FAT3: variants seen among roughly 807,000 people sequenced by gnomAD.
FAT3 encodes FAT atypical cadherin 3.
A neutral mutation model predicts 310.2 loss-of-function variants in FAT3; 95 were observed. The ratio of observed to expected loss-of-function variants is 0.31; its 90% confidence interval spans 0.26 to 0.36. The LOEUF (loss-of-function observed/expected upper bound fraction) is 0.36, where lower values mean the gene tolerates loss of function less well. Ranked by LOEUF, FAT3 falls within the 10% of genes least tolerant of loss-of-function variation. The pLI is 1.00. For synonymous variants in FAT3, 2,314 were observed against 2,192.9 expected (o/e 1.06, Z -1.54); for missense variants, 5,408 against 5,715.6 (o/e 0.95, Z 1.74).
At chr11:92,635,331 C>A (rs570337487) in intron 3 of FAT3, among the ~76,000 whole-genome samples, 1 of 151,982 alleles carries the variant, frequency 6.6e-6, no homozygotes, top group East Asian at 1.9e-4. Context: ...TATGGAGAAA[C>A]CCATTTCATA....
chr11:92,839,800 C>T (rs888394342), intron 17 of FAT3, among the ~76,000 whole-genome samples: 3 of 152,140 alleles, frequency 2.0e-5, no homozygotes, highest in Non-Finnish European at 2.9e-5. Context: ...ATTTAATTTG[C>T]CGTTTTCAAC....
At chr11:92,554,021 G>A (rs1289717884) in intron 3 of FAT3, among the ~76,000 whole-genome samples, 6 of 152,046 alleles carry the variant, frequency 3.9e-5, no homozygotes, top group Admixed American at 3.9e-4. Context: ...GGCCAGGCTG[G>A]TCTGGAACTC....
chr11:92,757,566 T>A lies in FAT3; in HGVS notation c.3670-4290T>A, dbSNP rs548900659. ...GTTTCAGGCCTAACGTATTATGAAGTCTGAAGTCTGAGAATCTGATGGAAT... is the reference window on the plus strand; with the variant it reads ...GTTTCAGGCCTAACGTATTATGAAGACTGAAGTCTGAGAATCTGATGGAAT... On this transcript the variant is annotated intron_variant, in intron 4 of 27. Transcript: ENST00000525166. Among the ~76,000 whole-genome samples the A allele has an allele frequency of 3.9e-5, 6 of 152,276 alleles. No homozygotes were observed. The East Asian group carries it at 1.2e-3, about 29-fold the overall frequency.
chr11:92,356,612 A>G (rs1245575197), intron 2 of FAT3, among the ~76,000 whole-genome samples: 1 of 152,162 alleles, frequency 6.6e-6, no homozygotes, highest in Non-Finnish European at 1.5e-5. Context: ...TTCTTCCCGT[A>G]AGGGCACTAA....
At chr11:92,402,359 A>G (rs1420104337) in intron 2 of FAT3, among the ~76,000 whole-genome samples, 1 of 152,142 alleles carries the variant, frequency 6.6e-6, no homozygotes, top group African/African-American at 2.4e-5. Flanking sequence ...GAAAGCATAA[A>G]TGACGGATAA....
chr11:92,875,256 A>C (rs1317646193), intron 22 of FAT3, among the ~76,000 whole-genome samples: 2 of 104,236 alleles, frequency 1.9e-5, no homozygotes, highest in Admixed American at 1.1e-4. Flanking sequence ...AAAGTTCTAA[A>C]AGCAAGACTT....
At chr11:92,531,064 G>A (rs1954052385) in intron 3 of FAT3, among the ~76,000 whole-genome samples, 2 of 152,158 alleles carry the variant, frequency 1.3e-5, no homozygotes, top group Non-Finnish European at 2.9e-5. Context: ...AATGGCTGCC[G>A]GATGATGAGT....
chr11:92,352,895 A>G lies in FAT3; in HGVS notation c.783A>G (p.Glu261=), dbSNP rs1480203570. The change falls in exon 2 of 28, where the codon GAA becomes GAG. Residue 261 remains glutamate (E), a synonymous_variant. Transcript: ENST00000525166. ...KLYVHIERIN[E]HAPTIHVVTH... ...ATGTTCACATTGAGCGCATAAATGA[A>G]CATGCCCCAACAATCCATGTAGTCA... is the stretch of plus-strand genomic sequence containing the variant. 3 of 1,613,902 alleles carry G rather than the reference A, an allele frequency of 1.9e-6. No homozygotes were observed. Among genetic ancestry groups the G allele is most frequent in the Middle Eastern group, 1.7e-4 (1 of 6,058 alleles).
chr11:92,579,672 C>T (rs1938681998), intron 3 of FAT3, among the ~76,000 whole-genome samples: 1 of 152,012 alleles, frequency 6.6e-6, no homozygotes, highest in Non-Finnish European at 1.5e-5. Context: ...GCTCATGTTC[C>T]ACTTTAAAGA....
chr11:92,670,682 A>G (rs1027591890), intron 3 of FAT3, among the ~76,000 whole-genome samples: 1 of 152,170 alleles, frequency 6.6e-6, no homozygotes, highest in South Asian at 2.1e-4. Context: ...AAGCTAGATT[A>G]TTTACCTTGT....
chr11:92,568,788 C>G (rs1430311008), intron 3 of FAT3, among the ~76,000 whole-genome samples: 1 of 152,140 alleles, frequency 6.6e-6, no homozygotes, highest in Non-Finnish European at 1.5e-5. Context: ...TCCTTCAAAA[C>G]TCTGCTGAAA....
intron 3 of FAT3, among the ~76,000 whole-genome samples, chr11:92,658,444 C>A (rs1345917520): frequency 6.6e-6 from 1 of 152,118 alleles, no homozygotes; most frequent in East Asian, 1.9e-4. Flanking sequence ...TCATTCACAG[C>A]ATGGTGAGTG....
chr11:92,283,294 T>A (rs1028572924), intron 1 of FAT3, among the ~76,000 whole-genome samples: 1 of 152,126 alleles, frequency 6.6e-6, no homozygotes, highest in African/African-American at 2.4e-5. Flanking sequence ...GGCATTCAGG[T>A]TTTTTACTTG....
At chr11:92,482,132 A>G (rs1952244258) in intron 2 of FAT3, among the ~76,000 whole-genome samples, 1 of 152,092 alleles carries the variant, frequency 6.6e-6, no homozygotes, top group Admixed American at 6.6e-5. Context: ...GTACACATAG[A>G]TTTCATTCAT....
intron 1 of FAT3, among the ~76,000 whole-genome samples, chr11:92,335,714 G>A (rs892081348): frequency 3.9e-5 from 6 of 152,168 alleles, no homozygotes; most frequent in Admixed American, 3.9e-4. Flanking sequence ...TAGGTTAGTG[G>A]TTTTGAGGTG....
intron 2 of FAT3, among the ~76,000 whole-genome samples, chr11:92,486,129 G>GTTTTTTTTTTTTTTTTTTTTTTTT (rs1565353395): frequency 3.6e-5 from 1 of 27,666 alleles, no homozygotes; most frequent in African/African-American, 8.5e-5. Context: ...AGGCTGCTGG[G>GTTTTTTTTTTTTTTTTTTTTTTTT]GTTTTTTTTT....
chr11:92,317,617 G>GT (rs1410304463), intron 1 of FAT3, among the ~76,000 whole-genome samples: 1 of 152,202 alleles, frequency 6.6e-6, no homozygotes, highest in Non-Finnish European at 1.5e-5. Flanking sequence ...ATGGTTGTCA[G>GT]TAAGTGTATG....
chr11:92,329,077 G>C (rs1947839250), intron 1 of FAT3, among the ~76,000 whole-genome samples: 1 of 149,212 alleles, frequency 6.7e-6, no homozygotes, highest in Non-Finnish European at 1.5e-5. Flanking sequence ...TTATTTTTGA[G>C]TGTGTAATCA....
At chr11:92,425,574 C>G (rs1409832034) in intron 2 of FAT3, among the ~76,000 whole-genome samples, 1 of 151,968 alleles carries the variant, frequency 6.6e-6, no homozygotes, top group Non-Finnish European at 1.5e-5. Flanking sequence ...TATGATATTC[C>G]CCTCTCTGTG....
Sources: allele counts gnomAD v4.1 joint callset (sites outside exome capture counted in the v4.1 genomes callset), GRCh38; gene constraint gnomAD v4.1.1; transcripts MANE v1.5; gene names NCBI Gene and HGNC (gene_info 2026-07-23, HGNC 2026-07-21).